TMEM260: variants seen among roughly 807,000 people sequenced by gnomAD.
TMEM260 encodes protein O-mannosyl-transferase TMEM260.
TMEM260 carries 82 observed loss-of-function variants against 88.9 expected under a neutral mutation model. That is an observed-to-expected ratio of 0.92 (90% CI 0.77 to 1.11). TMEM260 has a LOEUF of 1.11. TMEM260 is among the 50% of genes least tolerant of loss of function. The probability of loss-of-function intolerance (pLI) is 0.00; values close to 1 mark genes in which losing one functional copy is unlikely to be tolerated. For missense variants in TMEM260, 902 were observed against 853.4 expected (o/e 1.06, Z -0.71); for synonymous variants, 314 against 309.3 (o/e 1.02, Z -0.16).
rs1042517217 is a variant in TMEM260, at chr14:56,615,863, A to G, written c.858-81A>G. ...CTTGTGATTGTTCAGTATATAATCA[A>G]TGGTATCTTACAAGGACTATTTTAT... On this transcript the variant is annotated intron_variant, in intron 7 of 15. Coordinates refer to ENST00000261556, the MANE Select transcript of TMEM260 (RefSeq NM_017799.4). The G allele has an allele frequency of 2.8e-4, 279 of 996,840 alleles. 1 individual carries two copies. Among genetic ancestry groups the G allele is most frequent in the Middle Eastern group, 2.3e-4 (1 of 4,284 alleles). 61.7% of individuals were successfully genotyped at this position (996,840 alleles called of 1,614,324 possible).
chr14:56,645,260 T>C (rs1889879305), intron 15 of TMEM260, among the ~76,000 whole-genome samples: 2 of 150,960 alleles, frequency 1.3e-5, no homozygotes, highest in African/African-American at 2.4e-5. Context: ...CCAACAAAGA[T>C]AGACTGGATT....
At position 56,613,911 on chromosome 14, in the gene TMEM260, T is replaced by A. The variant is rs12878654; in HGVS notation, c.857+1626T>A. On this transcript the variant is annotated intron_variant, in intron 7 of 15. Transcript: ENST00000261556. ...CCGTCTCTGCAAAAAAAAAAAAAAATTTTTTTTTTGAGATGGCGTCTTGCC... is the reference window on the plus strand; with the variant it reads ...CCGTCTCTGCAAAAAAAAAAAAAAAATTTTTTTTTGAGATGGCGTCTTGCC... The A allele has an allele frequency of 2.1e-3, 120 of 56,732 alleles. 1 individual carries two copies. Among genetic ancestry groups the A allele is most frequent in the African/African-American group, 6.3e-3 (66 of 10,406 alleles). 3.5% of individuals were successfully genotyped at this position (56,732 alleles called of 1,614,324 possible).
chr14:56,660,968 A>T, the TMEM260 span, among the ~76,000 whole-genome samples: 19 of 152,362 alleles, frequency 1.2e-4, no homozygotes, highest in Admixed American at 1.1e-3. Flanking sequence ...CAGCAACATG[A>T]CATATGTAAA....
intron 15 of TMEM260, among the ~76,000 whole-genome samples, chr14:56,645,023 G>A (rs1197702595): frequency 6.6e-6 from 1 of 151,202 alleles, no homozygotes; most frequent in Non-Finnish European, 1.5e-5. Context: ...TGGAGAAATA[G>A]GAACACTTTT....
At chr14:56,625,347 T>G in intron 11 of TMEM260, 35 bp from the exon 12 acceptor site, 1 of 1,598,488 alleles carries the variant, frequency 6.3e-7, no homozygotes, top group Non-Finnish European at 8.5e-7. Context: ...AGAAATATAT[T>G]AAAAGTCTGA....
At chr14:56,627,452 AAAT>A (rs747279747) in intron 12 of TMEM260, among the ~76,000 whole-genome samples, 8 of 152,330 alleles carry the variant, frequency 5.3e-5, no homozygotes, top group East Asian at 3.9e-4. Flanking sequence ...TGTAATTTAA[AAAT>A]AATAAGCAAA....
downstream of TMEM260, among the ~76,000 whole-genome samples, chr14:56,652,395 G>C (rs899420766): frequency 1.3e-5 from 2 of 151,844 alleles, no homozygotes; most frequent in Non-Finnish European, 2.9e-5. Context: ...CTACTTGAGA[G>C]GCTGAGGCAG....
At chr14:56,658,615 C>T in the TMEM260 span, among the ~76,000 whole-genome samples, 3 of 152,090 alleles carry the variant, frequency 2.0e-5, no homozygotes. Context: ...ACTCTTCAAA[C>T]ATGTTAAGGT....
At chr14:56,630,399 T>C (rs1467251631) in intron 12 of TMEM260, among the ~76,000 whole-genome samples, 1 of 152,176 alleles carries the variant, frequency 6.6e-6, no homozygotes, top group Non-Finnish European at 1.5e-5. Context: ...TTTAGACCTT[T>C]TGGTATTGTC....
intron 3 of TMEM260, among the ~76,000 whole-genome samples, chr14:56,599,773 C>T (rs1210918648): frequency 6.6e-6 from 1 of 152,120 alleles, no homozygotes; most frequent in Non-Finnish European, 1.5e-5. Context: ...TCTTTGGAAA[C>T]AGAATCAATT....
chr14:56,650,749 A>C (rs1002582012), downstream of TMEM260: 1 of 132,578 alleles, frequency 7.5e-6, no homozygotes, highest in Non-Finnish European at 1.7e-5. Context: ...GGATATGAAG[A>C]GTAGTTTTTT....
chr14:56,640,114 A>G (rs532632936), intron 15 of TMEM260, among the ~76,000 whole-genome samples: 1 of 152,328 alleles, frequency 6.6e-6, no homozygotes, highest in Non-Finnish European at 1.5e-5. Flanking sequence ...CTGCAGACTT[A>G]AATGTCCCTG....
At chr14:56,641,598 C>T (rs1271870773) in intron 15 of TMEM260, among the ~76,000 whole-genome samples, 1 of 152,172 alleles carries the variant, frequency 6.6e-6, no homozygotes, top group African/African-American at 2.4e-5. Flanking sequence ...TAGGAAGAAA[C>T]TGCATCAACT....
At position 56,647,497 on chromosome 14, in the gene TMEM260, A is replaced by C; in HGVS notation, c.2124A>C (p.Ter708CysextTer5). 6.3e-7 allele frequency: 1 copy of C among 1,583,696 alleles called. No individual in the cohort carries two copies. Among genetic ancestry groups the C allele is most frequent in the African/African-American group, 1.4e-5 (1 of 73,212 alleles). The change falls in exon 16 of 16, where the codon TGA (stop) becomes TGC (cysteine). Residue 708 changes from the stop codon to cysteine, a stop_lost. Coordinates refer to ENST00000261556, the MANE Select transcript of TMEM260 (RefSeq NM_017799.4). ...GTCTGAGAAATAGGAAAAATGTCTGAGACAGCAAAATATGAAAAACCTGCT... is the reference window on the plus strand; with the variant it reads ...GTCTGAGAAATAGGAAAAATGTCTGCGACAGCAAAATATGAAAAACCTGCT... The part of the protein sequence containing the change: ...LQSLRNRKNV[*>C]
intron 15 of TMEM260, among the ~76,000 whole-genome samples, chr14:56,638,485 C>T (rs1046903257): frequency 6.6e-6 from 1 of 152,118 alleles, no homozygotes; most frequent in African/African-American, 2.4e-5. Flanking sequence ...GCGACCTCTT[C>T]TATGGTCAGT....
intron 13 of TMEM260, chr14:56,633,394 G>T (rs1425623894): frequency 1.0e-5 from 4 of 388,510 alleles, no homozygotes; most frequent in Non-Finnish European, 1.9e-5. Flanking sequence ...GGTGCTGGTT[G>T]TGTGGATACC....
chr14:56,663,124 T>C, the TMEM260 span, among the ~76,000 whole-genome samples: 66 of 152,120 alleles, frequency 4.3e-4, no homozygotes, highest in African/African-American at 1.4e-3. This position sits in a 1 kb window ranked among gnomAD's most constrained non-coding sequence, Gnocchi z 4.1. Context: ...AGCAAAACTC[T>C]GTCTCAAAAA....
At chr14:56,638,414 C>T (rs1454365384) in intron 15 of TMEM260, 3 of 152,006 alleles carry the variant, frequency 2.0e-5, no homozygotes, top group African/African-American at 7.3e-5. Context: ...CTATGAAAAA[C>T]AAGTAGTATT....
downstream of TMEM260, among the ~76,000 whole-genome samples, chr14:56,655,356 T>C (rs1044761864): frequency 6.8e-6 from 1 of 147,986 alleles, no homozygotes; most frequent in East Asian, 2.0e-4. Context: ...CACTGCACTC[T>C]AGCCTGGGCA....
Sources: allele counts gnomAD v4.1 joint callset (sites outside exome capture counted in the v4.1 genomes callset), GRCh38; gene constraint gnomAD v4.1.1; non-coding constraint Gnocchi (gnomAD v3.1); transcripts MANE v1.5; gene names NCBI Gene and HGNC (gene_info 2026-07-23, HGNC 2026-07-21).